The following GCN1 variants were observed in gnomAD, a reference collection of about 807,000 sequenced individuals.
GCN1 encodes the protein GCN1 activator of EIF2AK4.
A neutral mutation model predicts 288.4 loss-of-function variants in GCN1; 90 were observed. The observed-to-expected ratio is 0.31, with a 90% confidence interval of 0.26 to 0.37. GCN1 has a LOEUF of 0.37. GCN1 is among the 10% of genes least tolerant of loss of function. The pLI, the probability that GCN1 is intolerant of heterozygous loss-of-function variation, is 1.00. For missense variants in GCN1, 2,586 were observed against 3,419.9 expected (o/e 0.76, Z 6.08); for synonymous variants, 1,386 against 1,420.2 (o/e 0.98, Z 0.54).
chr12:120,154,882 C>A, intron 31 of GCN1, 88 bp downstream of exon 31: 1 of 1,286,718 alleles, frequency 7.8e-7, no homozygotes, highest in Non-Finnish European at 1.1e-6. Flanking sequence ...CTTTCATTAA[C>A]CCATGCTGCC....
chr12:120,167,685 G>A (rs373591345), intron 16 of GCN1, among the ~76,000 whole-genome samples: 1 of 151,508 alleles, frequency 6.6e-6, no homozygotes, highest in African/African-American at 2.4e-5. Context: ...CTAAAACCAG[G>A]AAATGACTAA....
chr12:120,174,062 C>T lies in GCN1; in HGVS notation c.1192+9G>A. On this transcript the variant is annotated intron_variant, in intron 13 of 57. Transcript: ENST00000300648. The stretch of plus-strand genomic sequence containing the variant: ...CAGAACGCATGCTCACCATGTTGCA[C>T]AGAATTACCTTCCTGCTGAAGGAAC... 1 of 1,524,066 alleles carries T rather than the reference C, an allele frequency of 6.6e-7. No individual in the cohort carries two copies. Among genetic ancestry groups the T allele is most frequent in the Non-Finnish European group, 9.1e-7 (1 of 1,098,132 alleles). 94.4% of individuals were successfully genotyped at this position (1,524,066 alleles called of 1,614,324 possible).
At chr12:120,186,982 C>T (rs1242925143) in intron 2 of GCN1, among the ~76,000 whole-genome samples, 1 of 152,162 alleles carries the variant, frequency 6.6e-6, no homozygotes, top group Non-Finnish European at 1.5e-5. Context: ...CTAGAGGGCT[C>T]TGCTGGGAAA....
chr12:120,183,231 T>A (rs1391983097), intron 5 of GCN1, among the ~76,000 whole-genome samples: 2 of 152,184 alleles, frequency 1.3e-5, no homozygotes, highest in Non-Finnish European at 2.9e-5. Flanking sequence ...ACTATGATAT[T>A]TTCTAGTCTA....
At chr12:120,177,356 C>T (rs192418658) in intron 9 of GCN1, 91 bp downstream of exon 9, 60 of 683,108 alleles carry the variant, frequency 8.8e-5, no homozygotes, top group Middle Eastern at 3.4e-4. Flanking sequence ...TTCCCTCCCC[C>T]CTACCACACA....
At chr12:120,192,137 T>C (rs1039413070) in intron 1 of GCN1, among the ~76,000 whole-genome samples, 1 of 152,208 alleles carries the variant, frequency 6.6e-6, no homozygotes, top group African/African-American at 2.4e-5. Flanking sequence ...ACTTGTTTTA[T>C]CTGTTCTTAT....
At chr12:120,141,932 G>T (rs1037610876) in intron 44 of GCN1, among the ~76,000 whole-genome samples, 1 of 152,116 alleles carries the variant, frequency 6.6e-6, no homozygotes, top group African/African-American at 2.4e-5. Flanking sequence ...CCATCTCCTC[G>T]ACTAGACTAC....
intron 18 of GCN1, among the ~76,000 whole-genome samples, chr12:120,164,135 T>C (rs1055187598): frequency 1.3e-5 from 2 of 152,068 alleles, no homozygotes; most frequent in African/African-American, 4.8e-5. Flanking sequence ...AAGGTTAAGC[T>C]ACATGTGAAA....
intron 56 of GCN1, 76 bp from the exon 57 acceptor site, chr12:120,129,570 C>T (rs1387870410): frequency 4.8e-6 from 5 of 1,044,714 alleles, no homozygotes; most frequent in Middle Eastern, 4.2e-4. Context: ...TGCCCAGCCT[C>T]GACACTCTCC....
chr12:120,141,545 T>C (rs1440866073), intron 44 of GCN1, among the ~76,000 whole-genome samples: 1 of 152,220 alleles, frequency 6.6e-6, no homozygotes. Context: ...CCCACTGATC[T>C]GTCTGCCCCT....
In GCN1 at chr12:120,148,185, T is replaced by C; in HGVS notation, c.4708A>G (p.Arg1570Gly). The change falls in exon 37 of 58, where the codon AGG becomes GGG. Residue 1570 changes from arginine to glycine, a missense_variant. Arg to Gly is a moderately radical substitution (Grantham distance 125, BLOSUM62 -2). This residue lies in a region of GCN1 where 371 missense variants were observed against 572.6 expected (regional missense o/e 0.65). Transcript: ENST00000300648. ...QALRQIGSVI[R>G]NPEILAIAPV... ...GGCCTACCCAGGATCTCCGGGTTCC[T>C]GATAACGGAGCCGATCTGCCTGAGC... 1.2e-6 allele frequency: 2 copies of C among 1,613,126 alleles called. No homozygotes were observed. The highest frequency in any genetic ancestry group is 1.7e-6 in the Non-Finnish European group (2 of 1,179,470).
At position 120,150,077 on chromosome 12, in the gene GCN1, G is replaced by C. The variant is rs768363951; in HGVS notation, c.4310-34C>G. On this transcript the variant is annotated intron_variant, in intron 34 of 57. Transcript: ENST00000300648. ...AAAGAAGGTGGGACGGCTGGGAAGA[G>C]AATGTCCCCTGGGGGTAGCCACAGA... 1.5e-5 allele frequency: 24 copies of C among 1,610,830 alleles called. No individual in the cohort carries two copies. In the South Asian group the frequency reaches 2.4e-4, roughly 16 times the overall value.
chr12:120,194,624 G>A (rs1429801912), intron 1 of GCN1, 56 bp downstream of exon 1: 2 of 1,487,726 alleles, frequency 1.3e-6, no homozygotes, highest in Non-Finnish European at 1.8e-6. Flanking sequence ...CCCGCCCGAC[G>A]GCCACCGTCC....
chr12:120,190,514 C>G, intron 1 of GCN1, 114 bp from the exon 2 acceptor site: 1 of 685,728 alleles, frequency 1.5e-6, no homozygotes, highest in Non-Finnish European at 2.6e-6. Flanking sequence ...GTTTCTCAAC[C>G]TCCCCACTGG....
rs2240320 is a variant in GCN1, at chr12:120,158,915, A to G, written c.2750-300T>C. ...TAGTCCCAGCTACTCAGGAGGCTCAAGAAGGAGAATGGCATGAACCCGGGA... is the reference window on the plus strand; with the variant it reads ...TAGTCCCAGCTACTCAGGAGGCTCAGGAAGGAGAATGGCATGAACCCGGGA... On this transcript the variant is annotated intron_variant, in intron 24 of 57. Transcript: ENST00000300648. The surrounding 1 kb of genome is among the most constrained non-coding windows in gnomAD (Gnocchi z 4.3). 0.25 allele frequency among the ~76,000 whole-genome samples: 38,014 copies of G among 151,404 alleles called. 6,321 individuals are homozygous for G. The highest frequency in any genetic ancestry group is 0.56 in the East Asian group (2,850 of 5,104).
At chr12:120,160,811 C>G (rs1239723227) in intron 22 of GCN1, among the ~76,000 whole-genome samples, 1 of 152,204 alleles carries the variant, frequency 6.6e-6, no homozygotes, top group East Asian at 1.9e-4. Flanking sequence ...CACAATCTAG[C>G]AGGCGAAGAT....
intron 45 of GCN1, 141 bp downstream of exon 45, chr12:120,140,718 C>G: frequency 1.4e-6 from 1 of 724,606 alleles, no homozygotes; most frequent in African/African-American, 1.8e-5. Flanking sequence ...GCCCAGCCAG[C>G]ACCTCCCCAG....
chr12:120,157,010 G>C lies in GCN1; in HGVS notation c.3088-18C>G. On this transcript the variant is annotated intron_variant, in intron 26 of 57. Transcript: ENST00000300648. Reference sequence around the variant, plus strand: ...GGGCCATTCTAGGAGAGAACGGCAGGTAAGTCGAGATGAGGCTGTGGGGAG... The same window carrying C: ...GGGCCATTCTAGGAGAGAACGGCAGCTAAGTCGAGATGAGGCTGTGGGGAG... The C allele has an allele frequency of 6.3e-7, 1 of 1,591,128 alleles. No individual in the cohort carries two copies. The highest frequency in any genetic ancestry group is 2.2e-5 in the East Asian group (1 of 44,768).
intron 14 of GCN1, among the ~76,000 whole-genome samples, chr12:120,171,141 CAAAA>C (rs56734169): frequency 7.9e-5 from 7 of 88,448 alleles, no homozygotes; most frequent in Non-Finnish European, 5.0e-5. Flanking sequence ...ACCCCATCTC[CAAAA>C]AAAAAAAAAA....
Sources: allele counts gnomAD v4.1 joint callset (sites outside exome capture counted in the v4.1 genomes callset), GRCh38; gene constraint gnomAD v4.1.1; regional missense constraint gnomAD v4.1.1; non-coding constraint Gnocchi (gnomAD v3.1); transcripts MANE v1.5; gene names NCBI Gene and HGNC (gene_info 2026-07-23, HGNC 2026-07-21).